The following KATNIP variants were observed in gnomAD, a reference collection of about 807,000 sequenced individuals.
KATNIP encodes katanin interacting protein.
KATNIP carries 126 observed loss-of-function variants against 174.0 expected under a neutral mutation model. The observed-to-expected ratio is 0.72, with a 90% CI of 0.63 to 0.84. KATNIP has a LOEUF of 0.84. Among genes scored for constraint, KATNIP ranks in the 40% least tolerant of loss-of-function variants. The pLI, the probability that KATNIP is intolerant of heterozygous loss-of-function variation, is 0.00. For missense variants in KATNIP, 1,958 were observed against 2,109.7 expected, an observed-to-expected ratio of 0.93 and a Z score of 1.41; for synonymous variants, 810 against 835.7, an observed-to-expected ratio of 0.97 and a Z score of 0.53.
intron 1 of KATNIP, among the ~76,000 whole-genome samples, chr16:27,568,446 C>A (rs918206305): frequency 6.6e-6 from 1 of 152,026 alleles, no homozygotes; most frequent in African/African-American, 2.4e-5. Flanking sequence ...TGTGAGCAAC[C>A]GGGCCTTGCC....
intron 18 of KATNIP, among the ~76,000 whole-genome samples, chr16:27,760,709 A>C (rs530517030): frequency 6.6e-6 from 1 of 152,328 alleles, no homozygotes; most frequent in South Asian, 2.1e-4. Context: ...AGTGGTTTAG[A>C]GAAACAGATG....
chr16:27,661,423 ACT>A (rs1212832894), intron 6 of KATNIP, among the ~76,000 whole-genome samples: 2 of 151,220 alleles, frequency 1.3e-5, no homozygotes, highest in African/African-American at 4.9e-5. Flanking sequence ...ACAGAGTCTC[ACT>A]CTGTCGCCCA....
In KATNIP at chr16:27,749,970, G is replaced by A. The variant is rs756200819; in HGVS notation, c.3010G>A (p.Glu1004Lys). Reference protein sequence around the residue: ...NGIEIFSSKGEPVQISNIKAD... With the variant: ...NGIEIFSSKGKPVQISNIKAD... ...AATAGAAATATTCAGTTCCAAGGGT[G>A]AACCGGTGCAGATTTCAAACATAAA... The change falls in exon 16 of 28, where the codon GAA becomes AAA. Residue 1004 changes from glutamate to lysine, a missense_variant. Around this residue, in one of 3 missense-constraint regions of KATNIP, gnomAD observed 1,557 missense variants for 1,617.8 expected, o/e 0.96. Transcript: ENST00000261588. 3 of 1,614,054 alleles carry A rather than the reference G, an allele frequency of 1.9e-6. No homozygotes were observed. The highest frequency in any genetic ancestry group is 1.3e-5 in the African/African-American group (1 of 74,928).
chr16:27,699,418 A>G (rs2079022862), intron 9 of KATNIP, 116 bp from the exon 10 acceptor site: 2 of 1,496,442 alleles, frequency 1.3e-6, no homozygotes, highest in African/African-American at 1.4e-5. Flanking sequence ...CCTGAACTTT[A>G]TATCTATGGT....
chr16:27,653,401 A>G (rs1316332055), intron 6 of KATNIP, among the ~76,000 whole-genome samples: 2 of 152,122 alleles, frequency 1.3e-5, no homozygotes, highest in African/African-American at 4.8e-5. Flanking sequence ...AAAGACCACC[A>G]TCCTTGGCCA....
At chr16:27,735,696 G>A (rs900917247) in intron 14 of KATNIP, among the ~76,000 whole-genome samples, 2 of 152,160 alleles carry the variant, frequency 1.3e-5, no homozygotes, top group Admixed American at 6.5e-5. Context: ...AACGCAGGCC[G>A]GACAGTTCTC....
intron 19 of KATNIP, among the ~76,000 whole-genome samples, 153 bp downstream of exon 19, chr16:27,761,743 T>C (rs1227161495): frequency 6.6e-6 from 1 of 152,100 alleles, no homozygotes; most frequent in Non-Finnish European, 1.5e-5. Context: ...AAACCGAGGC[T>C]CAGGAAACCA....
chr16:27,570,244 G>A (rs1303478197), intron 1 of KATNIP, among the ~76,000 whole-genome samples: 1 of 152,032 alleles, frequency 6.6e-6, no homozygotes, highest in Non-Finnish European at 1.5e-5. Flanking sequence ...CTTCCATTTT[G>A]TGGAGGAAGA....
chr16:27,616,664 T>C (rs1374166616), intron 2 of KATNIP, among the ~76,000 whole-genome samples: 2 of 151,208 alleles, frequency 1.3e-5, no homozygotes, highest in Non-Finnish European at 2.9e-5. Context: ...GAGATGGAGG[T>C]TTCAGTGAGC....
chr16:27,763,510 G>T (rs1383354081), intron 19 of KATNIP, among the ~76,000 whole-genome samples: 1 of 143,236 alleles, frequency 7.0e-6, no homozygotes, highest in Non-Finnish European at 1.5e-5. Context: ...CAGCTACTCA[G>T]ATGCTGAGGT....
chr16:27,599,081 G>A (rs1262860230), intron 2 of KATNIP, among the ~76,000 whole-genome samples: 2 of 152,178 alleles, frequency 1.3e-5, no homozygotes, highest in Admixed American at 6.5e-5. Context: ...TCTGGGCCCC[G>A]CAGCCCAACA....
intron 3 of KATNIP, among the ~76,000 whole-genome samples, chr16:27,627,742 C>T (rs1162994205): frequency 6.6e-6 from 1 of 152,138 alleles, no homozygotes; most frequent in African/African-American, 2.4e-5. Flanking sequence ...TTGATTGGCA[C>T]TTATTTAATT....
intron 5 of KATNIP, among the ~76,000 whole-genome samples, chr16:27,634,084 G>A (rs117724172): frequency 0.011 from 1,728 of 152,212 alleles, 13 homozygotes; most frequent in Non-Finnish European, 0.017. Flanking sequence ...CTATTATCAG[G>A]AGCCATATTT....
chr16:27,686,404 G>A (rs1270037065), intron 8 of KATNIP, among the ~76,000 whole-genome samples: 1 of 151,974 alleles, frequency 6.6e-6, no homozygotes, highest in Admixed American at 6.6e-5. Flanking sequence ...AAGCTACTCC[G>A]GCTTTCTTTT....
chr16:27,711,214 T>C (rs2079559403), intron 13 of KATNIP, among the ~76,000 whole-genome samples: 1 of 152,126 alleles, frequency 6.6e-6, no homozygotes, highest in African/African-American at 2.4e-5. Flanking sequence ...GGGTGTGGTC[T>C]TTTGGGGGTG....
chr16:27,573,511 C>T (rs1324231502), intron 1 of KATNIP, among the ~76,000 whole-genome samples: 2 of 152,158 alleles, frequency 1.3e-5, no homozygotes, highest in African/African-American at 4.8e-5. Context: ...TTGGTATGCT[C>T]TCATCAAAGG....
intron 5 of KATNIP, among the ~76,000 whole-genome samples, chr16:27,638,076 G>C (rs999696964): frequency 1.1e-4 from 16 of 152,182 alleles, no homozygotes; most frequent in Non-Finnish European, 2.4e-4. Context: ...TTAGTTGAAA[G>C]TTTCCAAGAC....
chr16:27,687,607 C>T (rs915380535), intron 8 of KATNIP: 3 of 152,186 alleles, frequency 2.0e-5, no homozygotes, highest in African/African-American at 4.8e-5. Flanking sequence ...AACCTCAATC[C>T]GTAAGCCTTC....
intron 2 of KATNIP, among the ~76,000 whole-genome samples, chr16:27,594,888 A>G (rs1463289982): frequency 1.3e-5 from 2 of 152,190 alleles, no homozygotes; most frequent in African/African-American, 4.8e-5. Context: ...CATGCAAACC[A>G]CTCAGCACAA....
Sources: gnomAD v4.1 joint callset for allele counts (sites outside exome capture counted in the v4.1 genomes callset) on GRCh38, gnomAD v4.1.1 for gene constraint, gnomAD v4.1.1 regional missense constraint, MANE v1.5 for transcripts, NCBI Gene and HGNC (gene_info 2026-07-23, HGNC 2026-07-21) for gene names.